HDHD5: variants seen among roughly 807,000 people sequenced by gnomAD.
HDHD5 encodes the protein haloacid dehalogenase like hydrolase domain containing 5.
Under a neutral mutation model 35.5 loss-of-function variants are expected in HDHD5, and 34 were observed. The ratio of observed to expected loss-of-function variants is 0.96; its 90% CI spans 0.73 to 1.28. The LOEUF is 1.28. Among genes scored for constraint, HDHD5 ranks in the 50% most tolerant of loss-of-function variants. The probability of loss-of-function intolerance (pLI) is 0.00; values close to 1 mark genes in which losing one functional copy is unlikely to be tolerated. For synonymous variants in HDHD5, 248 were observed against 240.6 expected (o/e 1.03, Z -0.29); for missense variants, 589 against 560.2 (o/e 1.05, Z -0.52).
chr22:17,145,465 A>AG (rs2061651756), intron 3 of HDHD5, among the ~76,000 whole-genome samples: 1 of 152,168 alleles, frequency 6.6e-6, no homozygotes, highest in African/African-American at 2.4e-5. Flanking sequence ...GCACTTTGGG[A>AG]GGCTGAGGCA....
rs371956696 is a variant in HDHD5 at position 17,145,041 on chromosome 22, G to A, written c.520C>T (p.Arg174Trp). Residue 174 changes from arginine to tryptophan, a missense_variant, in exon 4 of 8, where the codon CGG becomes TGG. Transcript: ENST00000336737. ...FPLLDMVDLE[R>W]RLKTTPLPRN... ...CTTATTACCGTGGTCTTTAGCCGCCGCTCCAGGTCCACCATGTCAAGCAGA... is the reference window on the plus strand; with the variant it reads ...CTTATTACCGTGGTCTTTAGCCGCCACTCCAGGTCCACCATGTCAAGCAGA... 1.1e-4 allele frequency: 170 copies of A among 1,613,710 alleles called. No homozygotes were observed. The highest frequency in any genetic ancestry group is 1.6e-4 in the Middle Eastern group (1 of 6,084).
upstream of HDHD5, chr22:17,159,293 C>A (rs1245729191): frequency 8.9e-6 from 11 of 1,239,110 alleles, 2 homozygotes; most frequent in Middle Eastern, 3.1e-4. Flanking sequence ...GCGGCCCCCC[C>A]CCCCCGCGAG....
chr22:17,163,558 C>G (rs1382743665), upstream of HDHD5, among the ~76,000 whole-genome samples: 1 of 152,158 alleles, frequency 6.6e-6, no homozygotes, highest in Non-Finnish European at 1.5e-5. Flanking sequence ...TTCTCTATCC[C>G]CAGCCCCCAG....
At position 17,155,302 on chromosome 22, in the gene HDHD5, G is replaced by A. The variant is rs183655830; in HGVS notation, c.126+3824C>T. Among the ~76,000 whole-genome samples the A allele has an allele frequency of 8.6e-5, 13 of 150,388 alleles. No individual in the cohort carries two copies. The East Asian group carries it at 1.2e-3, about 14-fold the overall frequency. On this transcript the variant is annotated intron_variant, in intron 1 of 7. Coordinates refer to ENST00000336737, the MANE Select transcript of HDHD5 (RefSeq NM_033070.3). ...TCACTGTCACCCAGGCTGGAGTGCA[G>A]TGGTGCAATCTCGACTCACTACAAC...
At position 17,141,223 on chromosome 22, in the gene HDHD5, G is replaced by A. The variant is rs776188933; in HGVS notation, c.582C>T (p.Leu194=). The part of the protein sequence containing the change: ...NDFPRIEGVL[L]LGEPVRWETS... ...TCTCCCAGCGGACCGGCTCCCCTAGGAGGAGCACCCCTTTAAAGAACAGAG... is the reference window on the plus strand; with the variant it reads ...TCTCCCAGCGGACCGGCTCCCCTAGAAGGAGCACCCCTTTAAAGAACAGAG... The change falls in exon 6 of 8, where the codon CTC becomes CTT. Residue 194 remains leucine (L), a synonymous_variant. Coordinates refer to ENST00000336737, the MANE Select transcript of HDHD5 (RefSeq NM_033070.3). 2.5e-6 allele frequency: 4 copies of A among 1,593,138 alleles called. No individual in the cohort carries two copies. Among genetic ancestry groups the A allele is most frequent in the Non-Finnish European group, 1.7e-6 (2 of 1,171,078 alleles).
intron 6 of HDHD5, among the ~76,000 whole-genome samples, chr22:17,139,235 T>A (rs1444796343): frequency 6.6e-6 from 1 of 152,158 alleles, no homozygotes; most frequent in East Asian, 1.9e-4. Flanking sequence ...TCCTTAAAAT[T>A]GGGGACAGGC....
In HDHD5 at chr22:17,143,354, T is replaced by C. The variant is rs570484714; in HGVS notation, c.538-223A>G. 1.8e-3 allele frequency: 863 copies of C among 477,098 alleles called. 13 individuals carry two copies. The highest frequency in any genetic ancestry group is 0.017 in the South Asian group (491 of 29,188). 29.6% of individuals were successfully genotyped at this position (477,098 alleles called of 1,614,324 possible). On this transcript the variant is annotated intron_variant, in intron 4 of 7. Coordinates refer to ENST00000336737, the MANE Select transcript of HDHD5 (RefSeq NM_033070.3). The stretch of plus-strand genomic sequence containing the variant: ...GGGCCACAGAACAGGCAGGACACCA[T>C]GGGTGAAGTCACCAGGAGGAAGGGT...
At chr22:17,163,127 A>G (rs2061873784), upstream of HDHD5, among the ~76,000 whole-genome samples, 1 of 152,202 alleles carries the variant, frequency 6.6e-6, no homozygotes, top group African/African-American at 2.4e-5. Flanking sequence ...CGTCTGTTGT[A>G]CAAATGGACC....
At chr22:17,140,130 G>A (rs1241280044) in intron 6 of HDHD5, among the ~76,000 whole-genome samples, 1 of 152,224 alleles carries the variant, frequency 6.6e-6, no homozygotes, top group Admixed American at 6.5e-5. Flanking sequence ...CCCTGAGGCA[G>A]TACTGGGCCG....
rs1210035738 is a variant in HDHD5, at chr22:17,143,905, G to A, written c.538-774C>T. Among the ~76,000 whole-genome samples, 3 of 152,242 alleles carry A rather than the reference G, an allele frequency of 2.0e-5. No individual in the cohort carries two copies. The East Asian group carries it at 5.8e-4, about 29-fold the overall frequency. ...CGATGAGGAGAAAGTGAGCCAACGG[G>A]CACCTCAAGAGATGGCAGTCATGCT... On this transcript the variant is annotated intron_variant, in intron 4 of 7. Transcript: ENST00000336737.
upstream of HDHD5, chr22:17,159,515 C>CGGT (rs2123883273): frequency 2.1e-6 from 1 of 468,964 alleles, no homozygotes; most frequent in Non-Finnish European, 4.2e-6. Context: ...GCCTGGGCGG[C>CGGT]GGCGTCCGTA....
At chr22:17,138,845 C>T (rs887867821) in intron 6 of HDHD5, 107 bp from the exon 7 acceptor site, 1 of 1,256,606 alleles carries the variant, frequency 8.0e-7, no homozygotes, top group African/African-American at 1.5e-5. Flanking sequence ...AGCCTTTTCC[C>T]CAGGGTAAGA....
upstream of HDHD5, among the ~76,000 whole-genome samples, chr22:17,162,496 G>A (rs553568396): frequency 6.6e-6 from 1 of 152,314 alleles, no homozygotes; most frequent in African/African-American, 2.4e-5. Context: ...AATGCCATAA[G>A]ACCATTCCAG....
chr22:17,156,988 G>GA (rs1395977736), intron 1 of HDHD5, among the ~76,000 whole-genome samples: 1 of 150,952 alleles, frequency 6.6e-6, no homozygotes, highest in Non-Finnish European at 1.5e-5. Flanking sequence ...TGAGGCAGGC[G>GA]AATCACTTGA....
chr22:17,145,200 C>G, intron 3 of HDHD5, 83 bp from the exon 4 acceptor site: 1 of 1,576,896 alleles, frequency 6.3e-7, no homozygotes, highest in Non-Finnish European at 8.6e-7. Context: ...GTGAAGGGAA[C>G]ACAACCCACT....
chr22:17,144,588 A>G (rs1450613390), intron 4 of HDHD5, among the ~76,000 whole-genome samples: 1 of 151,832 alleles, frequency 6.6e-6, no homozygotes, highest in Admixed American at 6.6e-5. Context: ...TAATTTTTGT[A>G]TTTTTAGTAG....
In HDHD5 at chr22:17,148,531, G is replaced by A. The variant is rs774986583; in HGVS notation, c.360C>T (p.His120=). 6.2e-7 allele frequency: 1 copy of A among 1,614,178 alleles called. No homozygotes were observed. Among genetic ancestry groups the A allele is most frequent in the South Asian group, 1.1e-5 (1 of 91,082 alleles). The change falls in exon 3 of 8, where the codon CAC becomes CAT. Residue 120 remains histidine, a synonymous_variant. Transcript: ENST00000336737. ...EVDADQVILS[H]SPMKLFSEYH... ...ACTCGGAGAAGAGCTTCATGGGGCT[G>A]TGAGAGAGGATAACTTGGTCTGCAT... is the stretch of plus-strand genomic sequence containing the variant.
At chr22:17,141,684 C>G in intron 5 of HDHD5, 1 of 910,820 alleles carries the variant, frequency 1.1e-6, no homozygotes, top group South Asian at 4.8e-5. Flanking sequence ...AACCTGGACT[C>G]CACCGATTCT....
Position 17,145,028 on chromosome 22 carries a change from G to C in HDHD5, c.533C>G (p.Thr178Ser), listed in dbSNP as rs375791641. 8 of 1,613,838 alleles carry C rather than the reference G, an allele frequency of 5.0e-6. No individual in the cohort carries two copies. Among genetic ancestry groups the C allele is most frequent in the Non-Finnish European group, 6.8e-6 (8 of 1,179,962 alleles). The stretch of plus-strand genomic sequence containing the variant: ...CCAACCCATGCTCCTTATTACCGTG[G>C]TCTTTAGCCGCCGCTCCAGGTCCAC... ...DMVDLERRLK[T>S]TPLPRNDFPR... Residue 178 changes from threonine (T) to serine (S), a missense_variant, in exon 4 of 8, where the codon ACC becomes AGC. Coordinates refer to ENST00000336737, the MANE Select transcript of HDHD5 (RefSeq NM_033070.3).
Sources: allele counts gnomAD v4.1 joint callset (sites outside exome capture counted in the v4.1 genomes callset), GRCh38; gene constraint gnomAD v4.1.1; transcripts MANE v1.5; gene names NCBI Gene and HGNC (gene_info 2026-07-23, HGNC 2026-07-21).